BRD4: variants seen among roughly 807,000 people sequenced by gnomAD.
The protein encoded by BRD4 is bromodomain containing 4.
A neutral mutation model predicts 142.1 loss-of-function variants in BRD4; 16 were observed. The ratio of observed to expected loss-of-function variants is 0.11; its 90% CI spans 0.08 to 0.17. The LOEUF is 0.17. BRD4 is among the 10% of genes least tolerant of loss of function. The pLI, the probability that BRD4 is intolerant of heterozygous loss-of-function variation, is 1.00. For synonymous variants in BRD4, 833 were observed against 707.5 expected, an observed-to-expected ratio of 1.18 and a Z score of -2.82; for missense variants, 1,424 against 1,810.9, an observed-to-expected ratio of 0.79 and a Z score of 3.88.
intron 2 of BRD4, among the ~76,000 whole-genome samples, chr19:15,269,258 G>C (rs1238609758): frequency 1.3e-5 from 2 of 152,232 alleles, no homozygotes; most frequent in African/African-American, 4.8e-5. Context: ...GAGTAATTCA[G>C]AGGGAAACGT....
chr19:15,287,272 A>C (rs1161000990), intron 1 of BRD4, among the ~76,000 whole-genome samples: 6 of 152,034 alleles, frequency 3.9e-5, no homozygotes, highest in African/African-American at 1.5e-4. Flanking sequence ...AAAAACTTTA[A>C]TAATCTTATT....
chr19:15,283,797 T>TG (rs2047721904), intron 1 of BRD4, among the ~76,000 whole-genome samples: 1 of 152,200 alleles, frequency 6.6e-6, no homozygotes, highest in Non-Finnish European at 1.5e-5. Context: ...GAGCAGCGGC[T>TG]GACTCAAGGT....
chr19:15,269,113 C>T (rs2145614000), intron 2 of BRD4, 71 bp from the exon 3 acceptor site: 7 of 1,581,724 alleles, frequency 4.4e-6, no homozygotes, highest in Non-Finnish European at 6.0e-6. Context: ...GCTGGCCAGG[C>T]TGGCCTGGGG....
At chr19:15,309,589 T>A (rs2047948793) in intron 1 of BRD4, among the ~76,000 whole-genome samples, 1 of 152,128 alleles carries the variant, frequency 6.6e-6, no homozygotes, top group South Asian at 2.1e-4. Flanking sequence ...AAGGGAAACA[T>A]TTCTACATAA....
In BRD4 at chr19:15,238,326, GA is replaced by G. The variant is rs1204797264; in HGVS notation, c.*50del. The G allele has an allele frequency of 5.0e-6, 8 of 1,612,096 alleles. No homozygotes were observed. The highest frequency in any genetic ancestry group is 6.8e-6 in the Non-Finnish European group (8 of 1,178,794). Reference sequence around the variant, plus strand: ...CTCCACCACCGCCCCTAACACTATGGAAAGTCAATGTTTTGCCAGAAAATCA... The same window carrying G: ...CTCCACCACCGCCCCTAACACTATGGAAGTCAATGTTTTGCCAGAAAATCA... On this transcript the variant is annotated 3_prime_UTR_variant, in exon 20 of 20. Coordinates refer to ENST00000679869, the MANE Select transcript of BRD4 (RefSeq NM_001379291.1). This position sits in a 1 kb window ranked among gnomAD's most constrained non-coding sequence, Gnocchi z 7.2.
In BRD4 at chr19:15,273,651, C is replaced by T. The variant is rs972658474; in HGVS notation, c.-34-518G>A. On this transcript the variant is annotated intron_variant, in intron 1 of 19. Transcript: ENST00000679869. Reference sequence around the variant, plus strand: ...GAAGCAGGAAGGCTGGGTCTGCCCACCCATGGATGGCCCACCCAGTCCACT... The same window carrying T: ...GAAGCAGGAAGGCTGGGTCTGCCCATCCATGGATGGCCCACCCAGTCCACT... Among the ~76,000 whole-genome samples the T allele has an allele frequency of 2.6e-5, 4 of 152,162 alleles. No homozygotes were observed. In the East Asian group the frequency reaches 7.7e-4, roughly 29 times the overall value.
In BRD4 at chr19:15,254,251, C is replaced by G. The variant is rs1401413474; in HGVS notation, c.2059G>C (p.Asp687His). 1 of 1,614,048 alleles carries G rather than the reference C, an allele frequency of 6.2e-7. No individual in the cohort carries two copies. The highest frequency in any genetic ancestry group is 8.5e-7 in the Non-Finnish European group (1 of 1,180,022). ...KKRKPQAEKV[D>H]VIAGSSKMKG... ...ATCTTGGAGGAGCCGGCAATCACATCAACTTTCTCAGCTGCAATCCAAGCA... is the reference window on the plus strand; with the variant it reads ...ATCTTGGAGGAGCCGGCAATCACATGAACTTTCTCAGCTGCAATCCAAGCA... Residue 687 changes from aspartate (D) to histidine (H), a missense_variant, in exon 11 of 20, where the codon GAT becomes CAT. Asp to His is a moderately conservative substitution (Grantham distance 81). Coordinates refer to ENST00000679869, the MANE Select transcript of BRD4 (RefSeq NM_001379291.1).
chr19:15,258,723 C>T (rs1353356777), intron 7 of BRD4, among the ~76,000 whole-genome samples: 1 of 151,954 alleles, frequency 6.6e-6, no homozygotes, highest in East Asian at 1.9e-4. Context: ...GATCCTCCTG[C>T]CTCAGCCTCC....
In BRD4 at chr19:15,244,275, C is replaced by T; in HGVS notation, c.2537G>A (p.Ser846Asn). ...GTGCTGGTTGAGATGGGGTGGAGTGCTGTGCTCAGGCGGCTGGGGCAGGTG... is the reference window on the plus strand; with the variant it reads ...GTGCTGGTTGAGATGGGGTGGAGTGTTGTGCTCAGGCGGCTGGGGCAGGTG... Reference protein sequence around the residue: ...PPHLPQPPEHSTPPHLNQHAV... With the variant: ...PPHLPQPPEHNTPPHLNQHAV... Residue 846 changes from serine (S) to asparagine (N), a missense_variant, in exon 13 of 20, where the codon AGC becomes AAC. Ser to Asn is a conservative substitution (Grantham distance 46, BLOSUM62 1). This residue lies in a region of BRD4 where 598 missense variants were observed against 647.8 expected (regional missense o/e 0.92). Coordinates refer to ENST00000679869, the MANE Select transcript of BRD4 (RefSeq NM_001379291.1). 6.3e-7 allele frequency: 1 copy of T among 1,588,432 alleles called. No homozygotes were observed. Among genetic ancestry groups the T allele is most frequent in the South Asian group, 1.1e-5 (1 of 87,204 alleles).
rs1018724337 is a variant in BRD4, at chr19:15,294,652, G to A, written c.-34-21519C>T. Among the ~76,000 whole-genome samples the A allele has an allele frequency of 2.0e-5, 3 of 152,310 alleles. No homozygotes were observed. The East Asian group carries it at 5.8e-4, about 29-fold the overall frequency. On this transcript the variant is annotated intron_variant, in intron 1 of 19. Coordinates refer to ENST00000679869, the MANE Select transcript of BRD4 (RefSeq NM_001379291.1). ...GAGGATCGTGCTCCAAATGTTCATC[G>A]AGCCAATCATTGGGACTTCTCTGCC...
intron 1 of BRD4, among the ~76,000 whole-genome samples, chr19:15,300,573 A>AAC (rs1212170083): frequency 1.3e-5 from 2 of 151,740 alleles, no homozygotes; most frequent in African/African-American, 2.4e-5. Context: ...CAAAAACAAA[A>AAC]AATCAAACAA....
At chr19:15,253,900 T>TGA (rs1353678789) in intron 11 of BRD4, 1 of 911,586 alleles carries the variant, frequency 1.1e-6, no homozygotes, top group African/African-American at 1.7e-5. Flanking sequence ...CCCTTGGCCA[T>TGA]TCATCCTCCA....
chr19:15,250,481 A>C (rs113849572), intron 11 of BRD4, among the ~76,000 whole-genome samples: 1,772 of 152,304 alleles, frequency 0.012, 27 homozygotes, highest in African/African-American at 0.039. Flanking sequence ...ATCTTTCCAA[A>C]ACATCAAGCA....
intron 2 of BRD4, 52 bp from the exon 3 acceptor site, chr19:15,269,094 A>G: frequency 6.2e-7 from 1 of 1,605,848 alleles, no homozygotes; most frequent in South Asian, 1.1e-5. Context: ...CAGGCAGCAC[A>G]AACGCTGGGC....
intron 11 of BRD4, chr19:15,253,640 C>T (rs1318489816): frequency 1.3e-6 from 2 of 1,597,348 alleles, no homozygotes; most frequent in African/African-American, 1.3e-5. Context: ...GGGCCAGCAG[C>T]AGACTGGCGA....
rs1337805583 is a variant in BRD4, at chr19:15,237,906, CA to C, written c.*470del. ...CGGCCTCGCCCGCCTCCAGCCCACG[CA>C]GGCCTGCCCTGGCCTCCTGGGAGCG... On this transcript the variant is annotated 3_prime_UTR_variant, in exon 20 of 20. Transcript: ENST00000679869. 1 of 239,478 alleles carries C rather than the reference CA, an allele frequency of 4.2e-6. No individual in the cohort carries two copies. The highest frequency in any genetic ancestry group is 8.2e-6 in the Non-Finnish European group (1 of 122,284). The allele number at this position is 239,478 out of a possible 1,614,324, so 14.8% of individuals were successfully genotyped here.
At chr19:15,273,189 C>A in intron 1 of BRD4, 56 bp from the exon 2 acceptor site, 23 of 1,475,948 alleles carry the variant, frequency 1.6e-5, no homozygotes, top group Non-Finnish European at 2.0e-5. Flanking sequence ...GGGCACCGCT[C>A]AGAATGACAA....
At chr19:15,282,654 G>C (rs1209520508) in intron 1 of BRD4, among the ~76,000 whole-genome samples, 3 of 152,198 alleles carry the variant, frequency 2.0e-5, no homozygotes, top group Non-Finnish European at 4.4e-5. Flanking sequence ...CACTGACTCA[G>C]CTGTGCCCTT....
rs755812111 is a variant in BRD4, at chr19:15,326,153, TAA to T, written c.-35+6135_-35+6136del. Among the ~76,000 whole-genome samples, 180 of 100,886 alleles carry T rather than the reference TAA, an allele frequency of 1.8e-3. 1 individual carries two copies. The highest frequency in any genetic ancestry group is 5.8e-3 in the African/African-American group (149 of 25,732). 66.2% of individuals were successfully genotyped at this position (100,886 alleles called of 152,430 possible). On this transcript the variant is annotated intron_variant, in intron 1 of 19. Transcript: ENST00000679869. ...TTTGGAAATGTTCACAATGTAGCAT[TAA>T]AAAAAAAAAAAAAAAAAAAGGCCGG...
Sources: gnomAD v4.1 joint callset for allele counts (sites outside exome capture counted in the v4.1 genomes callset) on GRCh38, gnomAD v4.1.1 for gene constraint, gnomAD v4.1.1 regional missense constraint, Gnocchi (gnomAD v3.1) non-coding constraint, MANE v1.5 for transcripts, NCBI Gene and HGNC (gene_info 2026-07-23, HGNC 2026-07-21) for gene names.